The following NAV2 variants were observed in gnomAD, a reference collection of about 807,000 sequenced individuals.
NAV2 encodes the protein neuron navigator 2, also known as helicase, APC down-regulated 1.
A neutral mutation model predicts 223.2 loss-of-function variants in NAV2; 54 were observed. That is an observed-to-expected ratio of 0.24 (90% confidence interval 0.19 to 0.30). The LOEUF (loss-of-function observed/expected upper bound fraction) is 0.30. Among genes scored for constraint, NAV2 ranks in the 10% least tolerant of loss-of-function variants. The probability of loss-of-function intolerance (pLI) is 1.00; values close to 1 mark genes in which losing one functional copy is unlikely to be tolerated. For synonymous variants in NAV2, 1,279 were observed against 1,239.3 expected (o/e 1.03, Z -0.67); for missense variants, 2,806 against 3,147.5 (o/e 0.89, Z 2.60).
intron 1 of NAV2, among the ~76,000 whole-genome samples, chr11:19,657,511 T>C (rs930859996): frequency 1.3e-5 from 2 of 152,164 alleles, no homozygotes; most frequent in African/African-American, 2.4e-5. Context: ...ATTAGGGAAA[T>C]ATGGCCATAT....
chr11:20,020,371 C>T (rs996999299), intron 11 of NAV2, among the ~76,000 whole-genome samples: 7 of 152,196 alleles, frequency 4.6e-5, no homozygotes, highest in Non-Finnish European at 1.0e-4. Context: ...TGGAATTTGG[C>T]CTGTTTAGAA....
intron 5 of NAV2, among the ~76,000 whole-genome samples, chr11:19,882,698 T>C (rs1319081518): frequency 1.3e-5 from 2 of 152,152 alleles, no homozygotes; most frequent in Non-Finnish European, 2.9e-5. Flanking sequence ...TACTAACGAG[T>C]GCTTTACCTA....
chr11:19,373,019 G>T (rs1314471188), intron 1 of NAV2, among the ~76,000 whole-genome samples: 1 of 152,182 alleles, frequency 6.6e-6, no homozygotes, highest in Non-Finnish European at 1.5e-5. Context: ...GAGTCGACTT[G>T]TTGTTGGACA....
intron 1 of NAV2, among the ~76,000 whole-genome samples, chr11:19,626,742 T>G (rs2047182978): frequency 6.6e-6 from 1 of 152,234 alleles, no homozygotes; most frequent in Non-Finnish European, 1.5e-5. Flanking sequence ...AGTCTTTTAC[T>G]GCTTCTGTTA....
chr11:19,663,830 A>G (rs1337064615), intron 1 of NAV2, among the ~76,000 whole-genome samples: 2 of 152,204 alleles, frequency 1.3e-5, no homozygotes. Context: ...TAACATCCAT[A>G]TATCTTCGAT....
At chr11:19,591,951 G>T (rs2046074767) in intron 1 of NAV2, among the ~76,000 whole-genome samples, 1 of 152,110 alleles carries the variant, frequency 6.6e-6, no homozygotes, top group Non-Finnish European at 1.5e-5. Context: ...GGCTATGGAG[G>T]CCACAATGAG....
intron 1 of NAV2, among the ~76,000 whole-genome samples, chr11:19,589,084 CAG>C (rs2045979963): frequency 6.6e-6 from 1 of 152,138 alleles, no homozygotes; most frequent in African/African-American, 2.4e-5. Context: ...CCTGGGTGTC[CAG>C]AGACATTGAA....
At chr11:19,899,463 G>T (rs2042265037) in intron 6 of NAV2, among the ~76,000 whole-genome samples, 1 of 152,214 alleles carries the variant, frequency 6.6e-6, no homozygotes, top group African/African-American at 2.4e-5. Flanking sequence ...AGTCATCCAA[G>T]TCATGCAGAC....
rs779966818 is a variant in NAV2 at position 20,114,603 on chromosome 11, G to T, written c.6972G>T (p.Arg2324Ser). Residue 2324 changes from arginine (R) to serine (S), a missense_variant, in exon 37 of 38, where the codon AGG (arginine) becomes AGT (serine). Arg to Ser is a moderately radical substitution (Grantham distance 110). Coordinates refer to ENST00000349880, the MANE Select transcript of NAV2 (RefSeq NM_145117.5). ...TTGCCTGTTTTCAGCTCTATGGAAGGCGCGCCCCCTGGGAGGATCCTGCCA... is the reference window on the plus strand; with the variant it reads ...TTGCCTGTTTTCAGCTCTATGGAAGTCGCGCCCCCTGGGAGGATCCTGCCA... Reference protein sequence around the residue: ...AVREGLQLYGRRAPWEDPAKW... With the variant: ...AVREGLQLYGSRAPWEDPAKW... 7 of 1,613,968 alleles carry T rather than the reference G, an allele frequency of 4.3e-6. No homozygotes were observed. The highest frequency in any genetic ancestry group is 3.4e-6 in the Non-Finnish European group (4 of 1,180,040).
intron 6 of NAV2, among the ~76,000 whole-genome samples, chr11:19,909,254 A>G (rs561332146): frequency 2.6e-5 from 4 of 152,234 alleles, no homozygotes; most frequent in Admixed American, 1.3e-4. Flanking sequence ...TCTAGTTCAT[A>G]TGGGATGGGA....
intron 1 of NAV2, among the ~76,000 whole-genome samples, chr11:19,722,240 T>A (rs953074151): frequency 3.3e-5 from 5 of 152,380 alleles, no homozygotes; most frequent in Middle Eastern, 3.4e-3. Context: ...AGATTCAGTT[T>A]CATTTGGTAA....
intron 8 of NAV2, among the ~76,000 whole-genome samples, chr11:19,946,054 G>T (rs1456703380): frequency 6.6e-6 from 1 of 152,132 alleles, no homozygotes; most frequent in East Asian, 1.9e-4. Flanking sequence ...TTTTTGCATG[G>T]GTAGAAAATG....
chr11:19,911,951 C>G (rs2043350437), intron 6 of NAV2, among the ~76,000 whole-genome samples: 1 of 152,214 alleles, frequency 6.6e-6, no homozygotes, highest in South Asian at 2.1e-4. Context: ...TAGCAAAAGG[C>G]AGCCCTCAAC....
chr11:19,445,352 G>C (rs1157348124), intron 1 of NAV2, among the ~76,000 whole-genome samples: 3 of 152,120 alleles, frequency 2.0e-5, no homozygotes, highest in Non-Finnish European at 4.4e-5. Context: ...CACTGTGGGA[G>C]ATACAGTGAA....
intron 1 of NAV2, among the ~76,000 whole-genome samples, chr11:19,363,944 G>T (rs909491411): frequency 4.6e-5 from 7 of 152,142 alleles, no homozygotes; most frequent in Admixed American, 4.6e-4. Context: ...GCCTCCACCC[G>T]CCCAGCACTT....
At chr11:20,113,307 T>C (rs1228902089) in intron 36 of NAV2, among the ~76,000 whole-genome samples, 1 of 152,150 alleles carries the variant, frequency 6.6e-6, no homozygotes, top group Non-Finnish European at 1.5e-5. Flanking sequence ...AGCTGGAAGA[T>C]GTGGTGGTGT....
chr11:19,481,999 A>G (rs1176695013), intron 1 of NAV2, among the ~76,000 whole-genome samples: 1 of 152,242 alleles, frequency 6.6e-6, no homozygotes, highest in Admixed American at 6.5e-5. Context: ...TCCCAGGCAA[A>G]TAAATAGGAG....
chr11:19,492,267 C>T (rs530140029), intron 1 of NAV2, among the ~76,000 whole-genome samples: 3 of 151,884 alleles, frequency 2.0e-5, no homozygotes, highest in East Asian at 3.9e-4. Flanking sequence ...GTTGCCACAA[C>T]CTTTCAATTT....
At chr11:19,978,479 A>G (rs990335900) in intron 10 of NAV2, among the ~76,000 whole-genome samples, 5 of 152,134 alleles carry the variant, frequency 3.3e-5, no homozygotes, top group Admixed American at 2.0e-4. Flanking sequence ...TTATATTGTT[A>G]TTGGCAAGGA....
Sources: allele counts gnomAD v4.1 joint callset (sites outside exome capture counted in the v4.1 genomes callset), GRCh38; gene constraint gnomAD v4.1.1; transcripts MANE v1.5; gene names NCBI Gene and HGNC (gene_info 2026-07-23, HGNC 2026-07-21).